DPP10: variants seen among roughly 807,000 people sequenced by gnomAD.
DPP10 encodes the protein dipeptidyl peptidase like 10.
A neutral mutation model predicts 120.9 loss-of-function variants in DPP10; 33 were observed. That is an observed-to-expected ratio of 0.27 (90% CI 0.21 to 0.37). DPP10 has a LOEUF of 0.37. Among genes scored for constraint, DPP10 ranks in the 10% least tolerant of loss-of-function variants. The pLI, the probability that DPP10 is intolerant of heterozygous loss-of-function variation, is 1.00. For missense variants in DPP10, 816 were observed against 942.8 expected (o/e 0.87, Z 1.76); for synonymous variants, 337 against 326.1 (o/e 1.03, Z -0.36).
intron 5 of DPP10, among the ~76,000 whole-genome samples, chr2:115,631,713 G>T (rs2085887060): frequency 6.6e-6 from 1 of 152,104 alleles, no homozygotes; most frequent in Non-Finnish European, 1.5e-5. Flanking sequence ...TCATGTAGTT[G>T]TGTGCTTTTG....
At position 115,844,199 on chromosome 2, in the gene DPP10, C is replaced by A. The variant is rs1470895348; in HGVS notation, c.*1854C>A. The A allele has an allele frequency of 6.6e-6, 1 of 152,354 alleles. No individual in the cohort carries two copies. The highest frequency in any genetic ancestry group is 1.5e-5 in the Non-Finnish European group (1 of 67,940). 9.4% of individuals were successfully genotyped at this position (152,354 alleles called of 1,614,324 possible). On this transcript the variant is annotated 3_prime_UTR_variant, in exon 26 of 26. Coordinates refer to ENST00000410059, the MANE Select transcript of DPP10 (RefSeq NM_020868.6). ...GCCTATTTTATTAAGATGGAAATTT[C>A]TTTTTAGGCTAATTTGAAATCCAAC...
rs563804346 is a variant in DPP10, at chr2:115,243,445, G to C, written c.61-65794G>C. Among the ~76,000 whole-genome samples, 9 of 152,190 alleles carry C rather than the reference G, an allele frequency of 5.9e-5. No homozygotes were observed. The South Asian group carries it at 8.3e-4, about 14-fold the overall frequency. On this transcript the variant is annotated intron_variant, in intron 1 of 25. Coordinates refer to ENST00000410059, the MANE Select transcript of DPP10 (RefSeq NM_020868.6). ...CTTTAAAAAAATAAAATAAGGGTCA[G>C]TAAAATATCTAGTTATTTTTCTTTA...
At chr2:115,749,142 C>A (rs2149730903) in intron 10 of DPP10, among the ~76,000 whole-genome samples, 1 of 152,178 alleles carries the variant, frequency 6.6e-6, no homozygotes, top group Non-Finnish European at 1.5e-5. Context: ...TTGTACTGTG[C>A]ACTTAAGGTA....
intron 1 of DPP10, among the ~76,000 whole-genome samples, chr2:114,653,400 T>C (rs1696751445): frequency 6.6e-6 from 1 of 152,108 alleles, no homozygotes; most frequent in African/African-American, 2.4e-5. Context: ...TGGAAACCGA[T>C]TTTGGACTTC....
In DPP10 at chr2:114,610,777, C is replaced by T. The variant is rs757904945; in HGVS notation, c.60+167939C>T. On this transcript the variant is annotated intron_variant, in intron 1 of 25. Coordinates refer to ENST00000410059, the MANE Select transcript of DPP10 (RefSeq NM_020868.6). ...TGTAGTTTTGGCAGCAGGGAGTCAG[C>T]GTCCTTCCTGAAACATGCCCTGCTG... 7.2e-5 allele frequency among the ~76,000 whole-genome samples: 11 copies of T among 152,134 alleles called. 1 individual carries two copies. Among genetic ancestry groups the T allele is most frequent in the Non-Finnish European group, 1.0e-4 (7 of 68,030 alleles).
At chr2:114,737,101 G>A (rs1677516934) in intron 1 of DPP10, among the ~76,000 whole-genome samples, 1 of 152,128 alleles carries the variant, frequency 6.6e-6, no homozygotes, top group Admixed American at 6.6e-5. Flanking sequence ...GTTGCTAATT[G>A]AAAAAACAAA....
intron 3 of DPP10, among the ~76,000 whole-genome samples, chr2:115,411,975 A>G (rs1391906648): frequency 1.3e-5 from 2 of 152,198 alleles, no homozygotes; most frequent in African/African-American, 4.8e-5. Flanking sequence ...TAAGAAAGCA[A>G]TTGCAGGTAT....
intron 1 of DPP10, among the ~76,000 whole-genome samples, chr2:115,108,600 T>G (rs2049062467): frequency 6.6e-6 from 1 of 152,286 alleles, no homozygotes; most frequent in South Asian, 2.1e-4. Flanking sequence ...TTAAAACCTG[T>G]GTGGGGATCT....
intron 1 of DPP10, among the ~76,000 whole-genome samples, chr2:114,830,199 C>A (rs1039795717): frequency 6.6e-6 from 1 of 151,888 alleles, no homozygotes; most frequent in African/African-American, 2.4e-5. Flanking sequence ...GAAGATAATC[C>A]CAAACTGCCT....
intron 5 of DPP10, among the ~76,000 whole-genome samples, chr2:115,672,308 C>G (rs1400189055): frequency 6.6e-6 from 1 of 151,876 alleles, no homozygotes; most frequent in Non-Finnish European, 1.5e-5. Context: ...AGCAGACACA[C>G]TTGTACAAAA....
intron 1 of DPP10, among the ~76,000 whole-genome samples, chr2:114,856,206 T>C (rs968103304): frequency 2.0e-5 from 3 of 152,154 alleles, no homozygotes; most frequent in Admixed American, 6.6e-5. Context: ...CCATGAGATA[T>C]CATAATATGC....
At chr2:114,841,697 A>C (rs1280061901) in intron 1 of DPP10, among the ~76,000 whole-genome samples, 1 of 152,120 alleles carries the variant, frequency 6.6e-6, no homozygotes, top group Non-Finnish European at 1.5e-5. Flanking sequence ...TCTACCATAA[A>C]GTTAAGAATC....
intron 1 of DPP10, among the ~76,000 whole-genome samples, chr2:114,705,085 G>C (rs552957421): frequency 6.6e-6 from 1 of 152,100 alleles, no homozygotes; most frequent in African/African-American, 2.4e-5. Context: ...CCCAGTATAT[G>C]GTATTATGTT....
At chr2:114,523,608 C>T (rs913350780) in intron 1 of DPP10, among the ~76,000 whole-genome samples, 1 of 152,098 alleles carries the variant, frequency 6.6e-6, no homozygotes, top group Non-Finnish European at 1.5e-5. Flanking sequence ...AAAAGAGGCG[C>T]TGTAGAGGGA....
intron 1 of DPP10, among the ~76,000 whole-genome samples, chr2:114,605,457 T>C (rs866120610): frequency 5.3e-5 from 8 of 152,258 alleles, no homozygotes; most frequent in African/African-American, 1.4e-4. Flanking sequence ...TTTACTTCCT[T>C]ATGATTTTCT....
At chr2:115,461,756 G>C (rs1057445336) in intron 3 of DPP10, among the ~76,000 whole-genome samples, 2 of 152,020 alleles carry the variant, frequency 1.3e-5, no homozygotes, top group African/African-American at 4.8e-5. Flanking sequence ...AGTACTGCTG[G>C]TAAAAGTATT....
chr2:114,617,559 C>A (rs1242654791), intron 1 of DPP10, among the ~76,000 whole-genome samples: 1 of 151,972 alleles, frequency 6.6e-6, no homozygotes, highest in Non-Finnish European at 1.5e-5. Flanking sequence ...ATGCTAAAAT[C>A]ATTTGAGATG....
intron 1 of DPP10, among the ~76,000 whole-genome samples, chr2:114,663,651 A>ATATATATG (rs1349765999): frequency 6.3e-5 from 6 of 95,142 alleles, no homozygotes; most frequent in African/African-American, 2.5e-4. Flanking sequence ...ATATATATAT[A>ATATATATG]TATATATATA....
chr2:115,551,465 C>A (rs1480782642), intron 5 of DPP10, among the ~76,000 whole-genome samples: 1 of 152,078 alleles, frequency 6.6e-6, no homozygotes, highest in Non-Finnish European at 1.5e-5. Flanking sequence ...TCTCCAATGA[C>A]CATCAAATTC....
Sources: allele counts gnomAD v4.1 joint callset (sites outside exome capture counted in the v4.1 genomes callset), GRCh38; gene constraint gnomAD v4.1.1; transcripts MANE v1.5; gene names NCBI Gene and HGNC (gene_info 2026-07-23, HGNC 2026-07-21).